The following EDC3 variants were observed in gnomAD, a reference collection of about 807,000 sequenced individuals.
EDC3 encodes enhancer of mRNA decapping 3.
EDC3 carries 20 observed loss-of-function variants against 41.8 expected under a neutral mutation model. The ratio of observed to expected loss-of-function variants is 0.48; its 90% CI spans 0.34 to 0.70. The LOEUF (loss-of-function observed/expected upper bound fraction) is 0.70. EDC3 is among the 30% of genes least tolerant of loss of function. EDC3 has a pLI of 0.01. For missense variants in EDC3, 444 were observed against 636.8 expected (o/e 0.70, Z 3.26); for synonymous variants, 206 against 243.2 (o/e 0.85, Z 1.42).
At chr15:74,635,352 CCAT>C (rs2062259090) in intron 6 of EDC3, 54 bp downstream of exon 6, 2 of 1,540,768 alleles carry the variant, frequency 1.3e-6, no homozygotes, top group Admixed American at 1.7e-5. Flanking sequence ...CATGACGAGA[CCAT>C]CAAACTGCTA....
At chr15:74,678,897 A>G (rs2062837695) in intron 1 of EDC3, among the ~76,000 whole-genome samples, 1 of 151,580 alleles carries the variant, frequency 6.6e-6, no homozygotes, top group African/African-American at 2.4e-5. Context: ...CTCAGAAAAA[A>G]AAAAAAAAAA....
rs2062742088 is a variant in EDC3 at position 74,671,792 on chromosome 15, G to A, written c.165-18C>T. 6.2e-7 allele frequency: 1 copy of A among 1,608,094 alleles called. No individual in the cohort carries two copies. The highest frequency in any genetic ancestry group is 1.1e-5 in the South Asian group (1 of 90,824). ...CACCTGCCCTGAAATACACAAAAAA[G>A]CCAAGTCTCAAAATTATAATAGTGG... On this transcript the variant is annotated intron_variant, in intron 2 of 6. Transcript: ENST00000315127. The surrounding 1 kb of genome is among the most constrained non-coding windows in gnomAD (Gnocchi z 4.6).
chr15:74,650,260 A>G (rs2062465456), intron 4 of EDC3, among the ~76,000 whole-genome samples: 1 of 152,200 alleles, frequency 6.6e-6, no homozygotes, highest in African/African-American at 2.4e-5. Flanking sequence ...TAGCACTGGC[A>G]CACAAGGCCC....
chr15:74,662,025 T>C (rs1234487014), intron 3 of EDC3, among the ~76,000 whole-genome samples: 1 of 152,234 alleles, frequency 6.6e-6, no homozygotes, highest in Non-Finnish European at 1.5e-5. Flanking sequence ...GAAAAAATTC[T>C]TCAAATACTG....
chr15:74,692,181 G>A (rs2063015841), intron 1 of EDC3, among the ~76,000 whole-genome samples: 1 of 152,172 alleles, frequency 6.6e-6, no homozygotes, highest in Non-Finnish European at 1.5e-5. Flanking sequence ...CAGAAACCAT[G>A]TGGCCCATAA....
At chr15:74,638,658 G>A (rs1228985492) in intron 5 of EDC3, 1 of 152,036 alleles carries the variant, frequency 6.6e-6, no homozygotes, top group East Asian at 1.9e-4. Flanking sequence ...TTATAGCTAA[G>A]AGACTATTTG....
intron 4 of EDC3, among the ~76,000 whole-genome samples, chr15:74,649,745 C>T (rs914286835): frequency 6.6e-6 from 1 of 151,952 alleles, no homozygotes; most frequent in African/African-American, 2.4e-5. Context: ...ACTTTTAACT[C>T]CTCATTAAAG....
At chr15:74,680,960 A>G (rs1201011506) in intron 1 of EDC3, among the ~76,000 whole-genome samples, 1 of 152,204 alleles carries the variant, frequency 6.6e-6, no homozygotes, top group African/African-American at 2.4e-5. Flanking sequence ...TGCAACACTG[A>G]GGAAAAAATC....
chr15:74,662,251 C>T (rs184497851), intron 3 of EDC3, among the ~76,000 whole-genome samples: 5 of 152,220 alleles, frequency 3.3e-5, no homozygotes, highest in Admixed American at 6.5e-5. Flanking sequence ...ACTTATGCTA[C>T]ATTACCTACT....
chr15:74,634,824 C>G (rs1596298144), intron 6 of EDC3, among the ~76,000 whole-genome samples: 1 of 152,200 alleles, frequency 6.6e-6, no homozygotes, highest in East Asian at 1.9e-4. Flanking sequence ...GTGTAGTCTA[C>G]TCTCAAACAG....
chr15:74,695,571 G>GT (rs2063055619), intron 1 of EDC3: 1 of 152,250 alleles, frequency 6.6e-6, no homozygotes, highest in East Asian at 1.9e-4. Flanking sequence ...GAAGAACAGA[G>GT]TGAGTGAGCC....
chr15:74,689,811 A>C (rs1220887894), intron 1 of EDC3, among the ~76,000 whole-genome samples: 1 of 151,744 alleles, frequency 6.6e-6, no homozygotes, highest in Non-Finnish European at 1.5e-5. Context: ...GGCGTGAGCC[A>C]CTGCGCCCGG....
Position 74,655,972 on chromosome 15 carries a change from T to C in EDC3, c.581A>G (p.Asp194Gly). 1.2e-6 allele frequency: 2 copies of C among 1,613,936 alleles called. No homozygotes were observed. Among genetic ancestry groups the C allele is most frequent in the Non-Finnish European group, 1.7e-6 (2 of 1,180,012 alleles). Residue 194 changes from aspartate to glycine, a missense_variant, in exon 4 of 7, where the codon GAT becomes GGT. Asp to Gly is a moderately conservative substitution (Grantham distance 94). Transcript: ENST00000315127. ...TGTGTCTGGGATCTCCTCAATATCA[T>C]CCCCGAAGCACTCGTCATCTTTATT... ...MKNKDDECFG[D>G]DIEEIPDTDF...
intron 2 of EDC3, among the ~76,000 whole-genome samples, chr15:74,673,810 G>A (rs1351650785): frequency 2.0e-5 from 3 of 149,918 alleles, no homozygotes; most frequent in African/African-American, 4.9e-5. Context: ...ACTGCACTCC[G>A]GCCTGGGTGA....
chr15:74,657,797 C>A (rs2062568362), intron 3 of EDC3, among the ~76,000 whole-genome samples: 1 of 152,224 alleles, frequency 6.6e-6, no homozygotes, highest in African/African-American at 2.4e-5. Context: ...GCCAGGTATA[C>A]ACCTACCACT....
chr15:74,687,312 T>A (rs1005300765), intron 1 of EDC3: 4 of 152,218 alleles, frequency 2.6e-5, no homozygotes, highest in Admixed American at 6.5e-5. Context: ...CATAAAACTA[T>A]GCGGACAGAA....
At chr15:74,657,201 G>GC (rs1175015878) in intron 3 of EDC3, among the ~76,000 whole-genome samples, 1 of 152,236 alleles carries the variant, frequency 6.6e-6, no homozygotes. Context: ...GGATGGCAGA[G>GC]CTAAAAGAGC....
chr15:74,671,577 G>A lies in EDC3; in HGVS notation c.362C>T (p.Thr121Ile), dbSNP rs1258567188. 6.2e-7 allele frequency: 1 copy of A among 1,614,152 alleles called. No individual in the cohort carries two copies. Among genetic ancestry groups the A allele is most frequent in the Non-Finnish European group, 8.5e-7 (1 of 1,180,042 alleles). ...SSAPQNIPKR[T>I]DVKSQDVAVS... is the part of the protein sequence containing the mutation. ...GGCAACATCCTGGCTCTTCACATCT[G>A]TCCTCTTAGGGATATTCTGAGGGGC... The change falls in exon 3 of 7, where the codon ACA becomes ATA. Residue 121 changes from threonine (T) to isoleucine (I), a missense_variant. This residue lies in a region of EDC3 where 200 missense variants were observed against 244.0 expected (regional missense o/e 0.82). Transcript: ENST00000315127. This position sits in a 1 kb window ranked among gnomAD's most constrained non-coding sequence, Gnocchi z 4.6.
At chr15:74,681,492 C>T (rs1175015458) in intron 1 of EDC3, among the ~76,000 whole-genome samples, 1 of 152,128 alleles carries the variant, frequency 6.6e-6, no homozygotes, top group African/African-American at 2.4e-5. Context: ...AATCAGTCTA[C>T]CTGATTTCAA....
Sources: allele counts gnomAD v4.1 joint callset (sites outside exome capture counted in the v4.1 genomes callset), GRCh38; gene constraint gnomAD v4.1.1; regional missense constraint gnomAD v4.1.1; non-coding constraint Gnocchi (gnomAD v3.1); transcripts MANE v1.5; gene names NCBI Gene and HGNC (gene_info 2026-07-23, HGNC 2026-07-21).